Variants in RBPJ observed in about 807,000 individuals in gnomAD.
RBPJ encodes recombination signal binding protein for immunoglobulin kappa J region.
RBPJ carries 9 observed loss-of-function variants against 67.8 expected under a neutral mutation model. The observed-to-expected ratio is 0.13, with a 90% CI of 0.08 to 0.23. The LOEUF is 0.23. Ranked by LOEUF, RBPJ falls within the 10% of genes least tolerant of loss-of-function variation. The probability of loss-of-function intolerance (pLI) is 1.00; values close to 1 mark genes in which losing one functional copy is unlikely to be tolerated. For synonymous variants in RBPJ, 198 were observed against 203.3 expected, an observed-to-expected ratio of 0.97 and a Z score of 0.22; for missense variants, 305 against 595.6, an observed-to-expected ratio of 0.51 and a Z score of 5.08.
intron 1 of RBPJ, among the ~76,000 whole-genome samples, chr4:26,310,297 A>T (rs1329211278): frequency 1.3e-5 from 2 of 152,182 alleles, no homozygotes; most frequent in African/African-American, 4.8e-5. Context: ...ACATTTTATT[A>T]ACCTTGATGA....
At chr4:26,349,386 G>A (rs1726563679) in intron 1 of RBPJ, among the ~76,000 whole-genome samples, 1 of 152,114 alleles carries the variant, frequency 6.6e-6, no homozygotes, top group Admixed American at 6.5e-5. Flanking sequence ...TTCACATGTA[G>A]CTTTTAGTGA....
chr4:26,139,480 G>A, the RBPJ span, among the ~76,000 whole-genome samples: 2 of 152,244 alleles, frequency 1.3e-5, no homozygotes, highest in Non-Finnish European at 2.9e-5. Context: ...GCTCCCAGCT[G>A]GAGATGCAGA....
chr4:26,341,120 C>A (rs111828465), intron 1 of RBPJ, among the ~76,000 whole-genome samples: 6 of 151,988 alleles, frequency 3.9e-5, no homozygotes, highest in Non-Finnish European at 8.8e-5. Context: ...TTGGTGGCAA[C>A]GTAATGCTAA....
chr4:26,118,652 G>GT, the RBPJ span, among the ~76,000 whole-genome samples: 3 of 152,148 alleles, frequency 2.0e-5, no homozygotes, highest in African/African-American at 7.2e-5. Flanking sequence ...GGTCATTTTT[G>GT]TAACACTATG....
At chr4:26,381,301 A>G (rs1730307385) in intron 1 of RBPJ, among the ~76,000 whole-genome samples, 1 of 151,994 alleles carries the variant, frequency 6.6e-6, no homozygotes, top group Non-Finnish European at 1.5e-5. Flanking sequence ...TGTGAGCAAA[A>G]CAGAAGTATA....
At chr4:26,309,720 A>G (rs1722362120) in intron 1 of RBPJ, among the ~76,000 whole-genome samples, 1 of 152,214 alleles carries the variant, frequency 6.6e-6, no homozygotes, top group African/African-American at 2.4e-5. Flanking sequence ...AAACGGGCAA[A>G]GTTTAGGAAA....
At chr4:26,310,912 C>T (rs991351936) in intron 1 of RBPJ, among the ~76,000 whole-genome samples, 30 of 152,216 alleles carry the variant, frequency 2.0e-4, no homozygotes, top group African/African-American at 1.9e-4. Context: ...TCACGTGATC[C>T]GCCCGCCTCA....
chr4:26,342,782 TA>T (rs1725681434), intron 1 of RBPJ, among the ~76,000 whole-genome samples: 1 of 152,232 alleles, frequency 6.6e-6, no homozygotes, highest in Non-Finnish European at 1.5e-5. Flanking sequence ...TTAATTTGGG[TA>T]GTATCTCTGC....
At chr4:26,210,791 C>A (rs1718389931) in intron 1 of RBPJ, among the ~76,000 whole-genome samples, 1 of 139,782 alleles carries the variant, frequency 7.2e-6, no homozygotes, top group Admixed American at 7.4e-5. Flanking sequence ...TTCTTTCTTT[C>A]TTTCTTTCTT....
At chr4:26,336,967 C>T (rs1560275403) in intron 1 of RBPJ, among the ~76,000 whole-genome samples, 3 of 151,812 alleles carry the variant, frequency 2.0e-5, no homozygotes, top group Admixed American at 2.0e-4. Context: ...CTTTGTTTAG[C>T]GTTTTTTGTT....
chr4:26,323,429 T>A (rs1723295397), intron 1 of RBPJ, among the ~76,000 whole-genome samples: 2 of 152,206 alleles, frequency 1.3e-5, no homozygotes, highest in South Asian at 4.1e-4. Context: ...ATACTTTTAC[T>A]TACATGATTG....
chr4:26,169,734 G>C (rs185747293), intron 1 of RBPJ, among the ~76,000 whole-genome samples: 5 of 152,200 alleles, frequency 3.3e-5, no homozygotes, highest in Non-Finnish European at 7.3e-5. Flanking sequence ...CACCCAGTTC[G>C]AGCTTCCCGG....
At chr4:26,207,756 A>G (rs1334515433) in intron 1 of RBPJ, among the ~76,000 whole-genome samples, 1 of 152,128 alleles carries the variant, frequency 6.6e-6, no homozygotes, top group African/African-American at 2.4e-5. Flanking sequence ...CTTTGAGTAT[A>G]TTTATATGTC....
chr4:26,428,158 A>G (rs1735870859), intron 7 of RBPJ, among the ~76,000 whole-genome samples: 1 of 152,204 alleles, frequency 6.6e-6, no homozygotes, highest in African/African-American at 2.4e-5. Flanking sequence ...ATGTTTTTAA[A>G]TACGTAAGTT....
chr4:26,308,156 G>A (rs1269713274), intron 1 of RBPJ, among the ~76,000 whole-genome samples: 1 of 152,154 alleles, frequency 6.6e-6, no homozygotes, highest in African/African-American at 2.4e-5. Flanking sequence ...GGCGCCTGTA[G>A]TCCCAGCTAG....
At chr4:26,263,768 C>A (rs566374289) in intron 1 of RBPJ, among the ~76,000 whole-genome samples, 1 of 152,028 alleles carries the variant, frequency 6.6e-6, no homozygotes, top group African/African-American at 2.4e-5. Flanking sequence ...GACGGGGTTT[C>A]ACCATATTGG....
intron 2 of RBPJ, among the ~76,000 whole-genome samples, chr4:26,405,693 G>T (rs1251477791): frequency 6.6e-6 from 1 of 152,060 alleles, no homozygotes; most frequent in Non-Finnish European, 1.5e-5. Flanking sequence ...TTAGGATCAT[G>T]TAATAATAAA....
chr4:26,271,099 T>C (rs114398812), intron 1 of RBPJ, among the ~76,000 whole-genome samples: 2,989 of 152,262 alleles, frequency 0.02, 52 homozygotes, highest in Middle Eastern at 0.092. Context: ...AGAGATGGGG[T>C]CTCACTATGT....
Position 26,433,851 on chromosome 4 carries a change from T to C in RBPJ, c.*2844T>C, listed in dbSNP as rs1310727344. 1 of 152,194 alleles carries C rather than the reference T, an allele frequency of 6.6e-6. No homozygotes were observed. The highest frequency in any genetic ancestry group is 1.5e-5 in the Non-Finnish European group (1 of 68,026). 9.4% of individuals were successfully genotyped at this position (152,194 alleles called of 1,614,324 possible). A position where few individuals can be genotyped will look rare whatever the true frequency, so the allele number is the denominator to read the frequency against. On this transcript the variant is annotated 3_prime_UTR_variant, in exon 11 of 11. Transcript: ENST00000355476. Reference sequence around the variant, plus strand: ...TGTGTGCCCTCCTCCAGTGATGGCATTATTAGACATGCTGGTCATTTACCC... The same window carrying C: ...TGTGTGCCCTCCTCCAGTGATGGCACTATTAGACATGCTGGTCATTTACCC...
Sources: allele counts gnomAD v4.1 joint callset (sites outside exome capture counted in the v4.1 genomes callset), GRCh38; gene constraint gnomAD v4.1.1; transcripts MANE v1.5; gene names NCBI Gene and HGNC (gene_info 2026-07-23, HGNC 2026-07-21).